The following MAPK15 variants were observed in gnomAD, a reference collection of about 807,000 sequenced individuals.
MAPK15 encodes ERK-7.
In MAPK15, 61 loss-of-function variants were observed where a neutral mutation model predicts 60.8. The ratio of observed to expected loss-of-function variants is 1.00; its 90% CI spans 0.82 to 1.24. The LOEUF (loss-of-function observed/expected upper bound fraction) is 1.24. Among genes scored for constraint, MAPK15 ranks in the 50% most tolerant of loss-of-function variants. MAPK15 has a pLI of 0.00. For missense variants in MAPK15, 808 were observed against 741.1 expected, an observed-to-expected ratio of 1.09 and a Z score of -1.05; for synonymous variants, 356 against 319.9, an observed-to-expected ratio of 1.11 and a Z score of -1.21.
At position 143,717,727 on chromosome 8, in the gene MAPK15, A is replaced by C. The variant is rs781971993; in HGVS notation, c.100A>C (p.Arg34=). The part of the protein sequence containing the change: ...YGIVWKAVDR[R]TGEVVAIKKI... ...CATTGTGTGGAAGGCAGTGGACCGGAGGACTGGTGAGGTCGTGGCCATCAA... is the reference window on the plus strand; with the variant it reads ...CATTGTGTGGAAGGCAGTGGACCGGCGGACTGGTGAGGTCGTGGCCATCAA... Residue 34 remains arginine (R), a synonymous_variant, in exon 2 of 14, where the codon AGG becomes CGG. Coordinates refer to ENST00000338033, the MANE Select transcript of MAPK15 (RefSeq NM_139021.3). The C allele has an allele frequency of 1.2e-6, 2 of 1,611,562 alleles. No individual in the cohort carries two copies. The highest frequency in any genetic ancestry group is 2.7e-5 in the African/African-American group (2 of 74,894).
chr8:143,717,857 G>A (rs1554618707), intron 2 of MAPK15, 65 bp downstream of exon 2: 2 of 1,543,368 alleles, frequency 1.3e-6, no homozygotes, highest in African/African-American at 1.4e-5. Context: ...TTGCCCTGGT[G>A]CCTGGAAGCT....
At position 143,721,777 on chromosome 8, in the gene MAPK15, C is replaced by T. The variant is rs1554619968; in HGVS notation, c.1355C>T (p.Ala452Val). Residue 452 changes from alanine (A) to valine (V), a missense_variant, in exon 13 of 14, where the codon GCG (alanine) becomes GTG (valine). By Grantham distance (64) the Ala-to-Val change is moderately conservative. Coordinates refer to ENST00000338033, the MANE Select transcript of MAPK15 (RefSeq NM_139021.3). Reference protein sequence around the residue: ...SLVKPSGRGAAPSLTSQAAAQ... With the variant: ...SLVKPSGRGAVPSLTSQAAAQ... ...GTGAAGCCAAGCGGGAGGGGAGCTG[C>T]GCCCTCCCTGACCTCCCAGGCTGCG... The T allele has an allele frequency of 1.3e-5, 21 of 1,613,270 alleles. No homozygotes were observed. Among genetic ancestry groups the T allele is most frequent in the East Asian group, 2.2e-5 (1 of 44,878 alleles).
intron 1 of MAPK15, among the ~76,000 whole-genome samples, chr8:143,716,796 G>A (rs1405010382): frequency 6.6e-6 from 1 of 152,254 alleles, no homozygotes; most frequent in Non-Finnish European, 1.5e-5. Context: ...GTCACTGAGA[G>A]GAAGGGCGGA....
rs782787552 is a variant in MAPK15 at position 143,719,125 on chromosome 8, C to T, written c.550C>T (p.Arg184Ter). 16 of 1,556,470 alleles carry T rather than the reference C, an allele frequency of 1.0e-5. No individual in the cohort carries two copies. Among genetic ancestry groups the T allele is most frequent in the African/African-American group, 8.2e-5 (6 of 73,358 alleles). Residue 184 changes from arginine to a stop codon, truncating the protein, a stop_gained, in exon 6 of 14, where the codon CGA (arginine) becomes TGA (stop). Coordinates refer to ENST00000338033, the MANE Select transcript of MAPK15 (RefSeq NM_139021.3). LOFTEE classifies it high-confidence loss of function. The part of the protein sequence containing the change: ...VTEYVATRWY[R>*]APEVLLSSHR... ...AGAGTACGTGGCCACACGCTGGTAC[C>T]GAGCACCGGAGGTGCTGCTCTCTTC...
Position 143,721,892 on chromosome 8 carries a change from C to T in MAPK15, c.1458+12C>T. 6.4e-7 allele frequency: 1 copy of T among 1,560,458 alleles called. No homozygotes were observed. The highest frequency in any genetic ancestry group is 1.2e-5 in the South Asian group (1 of 83,152). On this transcript the variant is annotated intron_variant, in intron 13 of 13. Transcript: ENST00000338033. ...CCAGCGTACAACAGGTAAGCCCGGC[C>T]CAGTCTGCCCCCGTCCCCTCATCCT... is the stretch of plus-strand genomic sequence containing the variant.
chr8:143,717,603 G>C, intron 1 of MAPK15, 91 bp from the exon 2 acceptor site: 1 of 1,130,110 alleles, frequency 8.8e-7, no homozygotes, highest in Non-Finnish European at 1.3e-6. Context: ...ACCCAGGATG[G>C]GAAGGAGGAG....
At chr8:143,718,375 G>A (rs1817897592) in intron 4 of MAPK15, 73 bp downstream of exon 4, 20 of 1,341,542 alleles carry the variant, frequency 1.5e-5, no homozygotes, top group Non-Finnish European at 2.0e-5. Flanking sequence ...GTCCCTCTGC[G>A]TGTCCCCCTG....
At position 143,720,165 on chromosome 8, in the gene MAPK15, C is replaced by T; in HGVS notation, c.722-65C>T. 1.3e-6 allele frequency: 2 copies of T among 1,539,424 alleles called. No individual in the cohort carries two copies. Among genetic ancestry groups the T allele is most frequent in the East Asian group, 2.4e-5 (1 of 40,874 alleles). ...TGGGGCTGGAAGAGATGACTGGCCC[C>T]AGATGCCCTGAGCCGCCCCAGCCGA... On this transcript the variant is annotated intron_variant, in intron 7 of 13. Transcript: ENST00000338033. The surrounding 1 kb of genome is among the most constrained non-coding windows in gnomAD (Gnocchi z 4.6).
rs1817936719 is a variant in MAPK15 at position 143,719,116 on chromosome 8, CGCTGGTACCGAGCACCGGA to C, written c.543_561del (p.Trp182CysfsTer42). 6.4e-7 allele frequency: 1 copy of C among 1,559,260 alleles called. No homozygotes were observed. The highest frequency in any genetic ancestry group is 8.7e-7 in the Non-Finnish European group (1 of 1,152,236). ...GGCCGTGACAGAGTACGTGGCCACA[CGCTGGTACCGAGCACCGGA>C]GGTGCTGCTCTCTTCGCACCGGTAA... On this transcript the variant is annotated frameshift_variant, in exon 6 of 14. Transcript: ENST00000338033. LOFTEE classifies it high-confidence loss of function.
At chr8:143,718,665 C>A in intron 4 of MAPK15, 110 bp from the exon 5 acceptor site, 1 of 1,013,630 alleles carries the variant, frequency 9.9e-7, no homozygotes, top group Non-Finnish European at 1.5e-6. Context: ...GGCGGCCAGG[C>A]CGTGGGCTGG....
chr8:143,719,445 G>C lies in MAPK15; in HGVS notation c.684G>C (p.Glu228Asp). The change falls in exon 7 of 14, where the codon GAG (glutamate) becomes GAC (aspartate). Residue 228 changes from glutamate (E) to aspartate (D), a missense_variant. Coordinates refer to ENST00000338033, the MANE Select transcript of MAPK15 (RefSeq NM_139021.3). The part of the protein sequence containing the change: ...FPGTSTLHQL[E>D]LILETIPPPS... ...GCACGTCCACCCTCCACCAGCTGGA[G>C]CTGATCCTGGAGACCATCCCACCGC... 6.2e-7 allele frequency: 1 copy of C among 1,608,962 alleles called. No homozygotes were observed. The highest frequency in any genetic ancestry group is 8.5e-7 in the Non-Finnish European group (1 of 1,178,684).
rs782790410 is a variant in MAPK15, at chr8:143,721,743, C to T, written c.1330-9C>T. On this transcript the variant is annotated splice_polypyrimidine_tract_variant and intron_variant, in intron 12 of 13. Coordinates refer to ENST00000338033, the MANE Select transcript of MAPK15 (RefSeq NM_139021.3). The stretch of plus-strand genomic sequence containing the variant: ...CCTTTCAGTGACCCTGTGACATGGC[C>T]CTTCCCAGGTGAAGCCAAGCGGGAG... 1 of 1,613,578 alleles carries T rather than the reference C, an allele frequency of 6.2e-7. No individual in the cohort carries two copies. Among genetic ancestry groups the T allele is most frequent in the Non-Finnish European group, 8.5e-7 (1 of 1,179,858 alleles).
chr8:143,721,713 C>G (rs782588359), intron 12 of MAPK15, 39 bp from the exon 13 acceptor site: 9 of 1,613,074 alleles, frequency 5.6e-6, no homozygotes, highest in South Asian at 3.3e-5. Context: ...GACCCCTCCT[C>G]TGCACCTTTC....
chr8:143,721,769 G>A lies in MAPK15; in HGVS notation c.1347G>A (p.Arg449=). The change falls in exon 13 of 14, where the codon AGG becomes AGA. Residue 449 remains arginine (R), a synonymous_variant. Transcript: ENST00000338033. ...LTLSLVKPSG[R]GAAPSLTSQA... ...CTTCCCAGGTGAAGCCAAGCGGGAGGGGAGCTGCGCCCTCCCTGACCTCCC... is the reference window on the plus strand; with the variant it reads ...CTTCCCAGGTGAAGCCAAGCGGGAGAGGAGCTGCGCCCTCCCTGACCTCCC... The A allele has an allele frequency of 6.2e-7, 1 of 1,613,512 alleles. No homozygotes were observed. Among genetic ancestry groups the A allele is most frequent in the Non-Finnish European group, 8.5e-7 (1 of 1,179,890 alleles).
rs1405867036 is a variant in MAPK15 at position 143,718,363 on chromosome 8, G to A, written c.286+61G>A. 1.4e-5 allele frequency: 21 copies of A among 1,498,522 alleles called. No individual in the cohort carries two copies. In the South Asian group the frequency reaches 1.7e-4, roughly 12 times the overall value. 92.8% of individuals were successfully genotyped at this position (1,498,522 alleles called of 1,614,324 possible). ...TCTGTTCTGTCCTGACGCCGTCTGC[G>A]GGTCCCTCTGCGTGTCCCCCTGCGT... On this transcript the variant is annotated intron_variant, in intron 4 of 13. Transcript: ENST00000338033.
chr8:143,718,964 C>G, intron 5 of MAPK15, 29 bp from the exon 6 acceptor site: 1 of 1,600,472 alleles, frequency 6.2e-7, no homozygotes, highest in Non-Finnish European at 8.5e-7. Context: ...CACCCAGCCC[C>G]GGGGCCTCAG....
rs924606669 is a variant in MAPK15 at position 143,722,256 on chromosome 8, C to A, written c.*5C>A. 7 of 1,559,058 alleles carry A rather than the reference C, an allele frequency of 4.5e-6. No homozygotes were observed. Among genetic ancestry groups the A allele is most frequent in the Non-Finnish European group, 6.1e-6 (7 of 1,152,608 alleles). On this transcript the variant is annotated 3_prime_UTR_variant, in exon 14 of 14. Coordinates refer to ENST00000338033, the MANE Select transcript of MAPK15 (RefSeq NM_139021.3). Reference sequence around the variant, plus strand: ...CTGGAGGGGCACCATGTGTGAGCCGCCCTACTCCCTTCACCTGGCCCTCTG... The same window carrying A: ...CTGGAGGGGCACCATGTGTGAGCCGACCTACTCCCTTCACCTGGCCCTCTG...
At chr8:143,721,141 A>G (rs1554619701) in intron 10 of MAPK15, 36 bp downstream of exon 10, 2 of 1,600,456 alleles carry the variant, frequency 1.2e-6, no homozygotes, top group African/African-American at 2.7e-5. Context: ...TCCCCTGTCT[A>G]CTGCACCCTG....
Position 143,719,175 on chromosome 8 carries a change from C to T in MAPK15, c.581+19C>T, listed in dbSNP as rs782376046. The T allele has an allele frequency of 1.4e-6, 2 of 1,410,958 alleles. No individual in the cohort carries two copies. The highest frequency in any genetic ancestry group is 1.9e-6 in the Non-Finnish European group (2 of 1,071,542). 87.4% of individuals were successfully genotyped at this position (1,410,958 alleles called of 1,614,324 possible). On this transcript the variant is annotated intron_variant, in intron 6 of 13. Transcript: ENST00000338033. ...CGCACCGGTAATAGCGAGACATCCC[C>T]AACCCCCCCTCCACCTCCCTGCTGC...
Sources: gnomAD v4.1 joint callset for allele counts (sites outside exome capture counted in the v4.1 genomes callset) on GRCh38, gnomAD v4.1.1 for gene constraint, Gnocchi (gnomAD v3.1) non-coding constraint, MANE v1.5 for transcripts, NCBI Gene and HGNC (gene_info 2026-07-23, HGNC 2026-07-21) for gene names.